Variants in KCNJ6 observed in about 807,000 individuals in gnomAD.
The protein encoded by KCNJ6 is G protein-activated inward rectifier potassium channel 2.
A neutral mutation model predicts 34.2 loss-of-function variants in KCNJ6; 9 were observed. The observed-to-expected ratio is 0.26, with a 90% CI of 0.16 to 0.46. KCNJ6 has a LOEUF of 0.46. KCNJ6 is among the 20% of genes least tolerant of loss of function. The probability of loss-of-function intolerance (pLI) is 1.00; values close to 1 mark genes in which losing one functional copy is unlikely to be tolerated. For missense variants in KCNJ6, 236 were observed against 531.3 expected (o/e 0.44, Z 5.46); for synonymous variants, 196 against 207.1 (o/e 0.95, Z 0.46).
intron 2 of KCNJ6, among the ~76,000 whole-genome samples, chr21:37,737,228 G>A (rs553990043): frequency 2.6e-5 from 4 of 152,290 alleles, no homozygotes; most frequent in South Asian, 4.1e-4. Flanking sequence ...ACAGGAGTAC[G>A]TCTCATTAGG....
At chr21:37,898,646 T>C (rs976764857) in intron 1 of KCNJ6, among the ~76,000 whole-genome samples, 1 of 152,124 alleles carries the variant, frequency 6.6e-6, no homozygotes, top group African/African-American at 2.4e-5. Context: ...ACTGTTCTAT[T>C]ATTGCCCTAG....
intron 3 of KCNJ6, among the ~76,000 whole-genome samples, chr21:37,696,494 C>T (rs1042602489): frequency 2.0e-5 from 3 of 152,042 alleles, no homozygotes; most frequent in Non-Finnish European, 4.4e-5. Context: ...AATAACTGCT[C>T]TATAGTCTTC....
intron 1 of KCNJ6, among the ~76,000 whole-genome samples, chr21:37,882,139 G>A (rs1682594954): frequency 6.6e-6 from 1 of 152,190 alleles, no homozygotes; most frequent in Non-Finnish European, 1.5e-5. Context: ...ACAGTTTTAT[G>A]TGGGTTCACT....
At chr21:37,698,065 A>C (rs879287723) in intron 3 of KCNJ6, among the ~76,000 whole-genome samples, 5 of 152,236 alleles carry the variant, frequency 3.3e-5, no homozygotes, top group Non-Finnish European at 5.9e-5. Context: ...CACTCGTTAA[A>C]CAAAGACACT....
At chr21:37,821,723 G>T (rs576367294) in intron 2 of KCNJ6, among the ~76,000 whole-genome samples, 54 of 152,238 alleles carry the variant, frequency 3.5e-4, no homozygotes, top group African/African-American at 1.2e-3. Flanking sequence ...TAAATGTATT[G>T]TATATGGTTA....
At chr21:37,656,556 T>G (rs946466965) in intron 3 of KCNJ6, among the ~76,000 whole-genome samples, 3 of 152,156 alleles carry the variant, frequency 2.0e-5, no homozygotes, top group Non-Finnish European at 2.9e-5. Flanking sequence ...TGCCCGCTCC[T>G]CTCCCAGCCT....
chr21:37,823,393 T>G (rs552507024), intron 2 of KCNJ6, among the ~76,000 whole-genome samples: 5 of 151,920 alleles, frequency 3.3e-5, no homozygotes, highest in Non-Finnish European at 5.9e-5. Context: ...ATCTAAAGAG[T>G]CCAACCCATA....
intron 2 of KCNJ6, among the ~76,000 whole-genome samples, chr21:37,778,821 C>A (rs1486105703): frequency 2.0e-5 from 3 of 151,710 alleles, no homozygotes; most frequent in Non-Finnish European, 4.4e-5. Context: ...TTGGAGCACC[C>A]CCTCCTTCCT....
intron 2 of KCNJ6, among the ~76,000 whole-genome samples, chr21:37,796,786 T>C (rs1423450479): frequency 3.1e-5 from 4 of 127,076 alleles, no homozygotes; most frequent in Admixed American, 7.9e-5. Context: ...TTTCTTTTTT[T>C]TTTTTTTTTT....
At chr21:37,910,679 G>C in intron 1 of KCNJ6, among the ~76,000 whole-genome samples, 1 of 152,196 alleles carries the variant, frequency 6.6e-6, no homozygotes, top group South Asian at 2.1e-4. Context: ...CACCAGTACT[G>C]TATGATTCCT....
chr21:37,664,513 A>T (rs2054504861), intron 3 of KCNJ6, among the ~76,000 whole-genome samples: 1 of 152,168 alleles, frequency 6.6e-6, no homozygotes, highest in Admixed American at 6.5e-5. Context: ...ATAACAAAAG[A>T]TGCAGTAAAA....
chr21:37,817,723 G>T (rs965275428), intron 2 of KCNJ6, among the ~76,000 whole-genome samples: 1 of 152,166 alleles, frequency 6.6e-6, no homozygotes, highest in Non-Finnish European at 1.5e-5. Flanking sequence ...TGTTGCCGTT[G>T]TTTTGGTCTG....
intron 2 of KCNJ6, among the ~76,000 whole-genome samples, chr21:37,814,829 C>T (rs190978296): frequency 6.8e-4 from 97 of 141,866 alleles, no homozygotes; most frequent in Admixed American, 1.9e-3. Context: ...ACCCAGGAGG[C>T]GGAGCTTGCA....
At chr21:37,783,412 A>G (rs1219442979) in intron 2 of KCNJ6, among the ~76,000 whole-genome samples, 1 of 152,080 alleles carries the variant, frequency 6.6e-6, no homozygotes, top group Non-Finnish European at 1.5e-5. Flanking sequence ...ACGAGATCTG[A>G]TGGTTTTATC....
chr21:37,762,727 T>C (rs991521686), intron 2 of KCNJ6, among the ~76,000 whole-genome samples: 4 of 152,086 alleles, frequency 2.6e-5, no homozygotes, highest in Admixed American at 1.3e-4. Context: ...CGCTGTGTGA[T>C]GATTGCTGAT....
intron 2 of KCNJ6, among the ~76,000 whole-genome samples, chr21:37,721,974 G>A (rs857955): frequency 0.98 from 148,709 of 152,334 alleles, 72,619 homozygotes; most frequent in East Asian, 1. Context: ...AAGAAATAAA[G>A]TACATCCAAA....
At chr21:37,851,325 AGTGTAGGG>A (rs2055536373) in intron 1 of KCNJ6, among the ~76,000 whole-genome samples, 1 of 152,238 alleles carries the variant, frequency 6.6e-6, no homozygotes, top group South Asian at 2.1e-4. Flanking sequence ...CATGCAAAAA[AGTGTAGGG>A]TGCAGAAAGA....
intron 3 of KCNJ6, among the ~76,000 whole-genome samples, chr21:37,673,517 G>T (rs1328158917): frequency 6.6e-6 from 1 of 152,228 alleles, no homozygotes; most frequent in Non-Finnish European, 1.5e-5. Flanking sequence ...GCATCTCAGA[G>T]CAGCACTTTT....
intron 3 of KCNJ6, among the ~76,000 whole-genome samples, chr21:37,635,542 G>A (rs891225190): frequency 5.5e-5 from 8 of 145,038 alleles, no homozygotes; most frequent in African/African-American, 2.1e-4. Flanking sequence ...TTTGAGACAG[G>A]GTCTCTCTCT....
Sources: gnomAD v4.1 joint callset for allele counts (sites outside exome capture counted in the v4.1 genomes callset) on GRCh38, gnomAD v4.1.1 for gene constraint, MANE v1.5 for transcripts, NCBI Gene and HGNC (gene_info 2026-07-23, HGNC 2026-07-21) for gene names.